STXBP5L: variants seen among roughly 807,000 people sequenced by gnomAD.
The protein encoded by STXBP5L is syntaxin binding protein 5L, also known as syntaxin-binding protein 5-like.
In STXBP5L, 65 loss-of-function variants were observed where a neutral mutation model predicts 144.5. That is an observed-to-expected ratio of 0.45 (90% CI 0.37 to 0.55). The LOEUF is 0.55. STXBP5L is among the 20% of genes least tolerant of loss of function. The pLI, the probability that STXBP5L is intolerant of heterozygous loss-of-function variation, is 0.00. For synonymous variants in STXBP5L, 505 were observed against 469.6 expected (o/e 1.08, Z -0.97); for missense variants, 1,298 against 1,405.5 (o/e 0.92, Z 1.22).
intron 5 of STXBP5L, among the ~76,000 whole-genome samples, chr3:121,078,737 AAT>A (rs2042130810): frequency 6.6e-6 from 1 of 152,234 alleles, no homozygotes; most frequent in Admixed American, 6.5e-5. Context: ...AATCAAGTGC[AAT>A]GCCAGTGGGC....
intron 2 of STXBP5L, among the ~76,000 whole-genome samples, chr3:120,917,609 C>G (rs1451804684): frequency 6.6e-6 from 1 of 151,912 alleles, no homozygotes; most frequent in African/African-American, 2.4e-5. Context: ...GGGGAGGAAC[C>G]CTTCAGGATA....
intron 5 of STXBP5L, among the ~76,000 whole-genome samples, chr3:121,093,825 G>A (rs1489029235): frequency 6.6e-6 from 1 of 152,146 alleles, no homozygotes; most frequent in African/African-American, 2.4e-5. Flanking sequence ...TTTTGAATGT[G>A]TTTGCTCTTT....
At chr3:121,278,891 A>G (rs1164972814) in intron 18 of STXBP5L, among the ~76,000 whole-genome samples, 1 of 151,232 alleles carries the variant, frequency 6.6e-6, no homozygotes, top group Non-Finnish European at 1.5e-5. Context: ...TTAGCAAAAC[A>G]TCTAGTATGG....
At chr3:121,005,493 AC>A (rs1431551677) in intron 3 of STXBP5L, among the ~76,000 whole-genome samples, 1 of 151,984 alleles carries the variant, frequency 6.6e-6, no homozygotes, top group African/African-American at 2.4e-5. Flanking sequence ...TGATCTTTTC[AC>A]AAAACCAGCT....
rs988318043 is a variant in STXBP5L, at chr3:121,213,269, C to A, written c.956+7268C>A. Among the ~76,000 whole-genome samples the A allele has an allele frequency of 5.9e-5, 9 of 152,010 alleles. No homozygotes were observed. In the East Asian group the frequency reaches 1.7e-3, roughly 29 times the overall value. On this transcript the variant is annotated intron_variant, in intron 10 of 26. Transcript: ENST00000471454. Reference sequence around the variant, plus strand: ...TATGTTGAATAGGAGTGGTGAGAGACCTCATCCTTATCTTGTGCCTGTTTT... The same window carrying A: ...TATGTTGAATAGGAGTGGTGAGAGAACTCATCCTTATCTTGTGCCTGTTTT...
intron 10 of STXBP5L, among the ~76,000 whole-genome samples, chr3:121,218,105 A>G (rs2048847851): frequency 7.1e-6 from 1 of 141,636 alleles, no homozygotes; most frequent in African/African-American, 2.6e-5. Context: ...ATAATATATA[A>G]TATACTATAT....
At chr3:121,388,666 AT>A (rs765264627) in intron 22 of STXBP5L, among the ~76,000 whole-genome samples, 8 of 152,018 alleles carry the variant, frequency 5.3e-5, no homozygotes, top group Non-Finnish European at 7.4e-5. Flanking sequence ...GTTTTTTGTC[AT>A]TGGTTCTGTT....
At chr3:121,375,043 T>C (rs571981360) in intron 20 of STXBP5L, among the ~76,000 whole-genome samples, 72 of 148,218 alleles carry the variant, frequency 4.9e-4, no homozygotes, top group African/African-American at 1.5e-3. Context: ...GGAGGGGGAG[T>C]GAAAGAGGAG....
chr3:120,972,153 A>G (rs1281225075), intron 3 of STXBP5L, among the ~76,000 whole-genome samples: 2 of 152,054 alleles, frequency 1.3e-5, no homozygotes, highest in Admixed American at 1.3e-4. Flanking sequence ...GAATATGTAC[A>G]TTGATTTGGG....
chr3:120,930,840 C>T (rs183461264), intron 2 of STXBP5L, among the ~76,000 whole-genome samples: 5 of 152,206 alleles, frequency 3.3e-5, no homozygotes, highest in African/African-American at 1.2e-4. Context: ...ACTGCTGCTT[C>T]CCTCTTCCAC....
At chr3:121,012,721 G>A (rs922199651) in intron 3 of STXBP5L, among the ~76,000 whole-genome samples, 1 of 151,814 alleles carries the variant, frequency 6.6e-6, no homozygotes, top group Non-Finnish European at 1.5e-5. Flanking sequence ...ACATGTGCAT[G>A]TGCAGGTTTG....
chr3:121,412,972 G>T (rs1262233113), intron 23 of STXBP5L, among the ~76,000 whole-genome samples, 186 bp from the exon 24 acceptor site: 1 of 151,924 alleles, frequency 6.6e-6, no homozygotes, highest in Non-Finnish European at 1.5e-5. Flanking sequence ...AGGCAAGATT[G>T]CAGTGAGCTA....
intron 3 of STXBP5L, among the ~76,000 whole-genome samples, chr3:121,039,951 GATA>G (rs1947031393): frequency 6.7e-6 from 1 of 148,856 alleles, no homozygotes; most frequent in Admixed American, 7.0e-5. Context: ...ATTTGAGATA[GATA>G]GGTAGATAGA....
At chr3:121,208,028 G>A (rs1305286332) in intron 10 of STXBP5L, among the ~76,000 whole-genome samples, 2 of 152,222 alleles carry the variant, frequency 1.3e-5, no homozygotes, top group South Asian at 2.1e-4. Flanking sequence ...AAAGACACAT[G>A]CACATGTATG....
intron 22 of STXBP5L, among the ~76,000 whole-genome samples, chr3:121,406,274 T>C (rs941825975): frequency 6.6e-6 from 1 of 152,118 alleles, no homozygotes; most frequent in African/African-American, 2.4e-5. Context: ...TATACTCTTT[T>C]CAATTTGATA....
At chr3:121,326,294 A>G (rs372402909) in intron 20 of STXBP5L, among the ~76,000 whole-genome samples, 37 of 152,024 alleles carry the variant, frequency 2.4e-4, no homozygotes, top group African/African-American at 8.9e-4. Flanking sequence ...CAACAAAATT[A>G]GAGATATGTA....
At chr3:120,934,800 A>G (rs1240640407) in intron 2 of STXBP5L, among the ~76,000 whole-genome samples, 1 of 151,906 alleles carries the variant, frequency 6.6e-6, no homozygotes, top group East Asian at 1.9e-4. Flanking sequence ...ATTATCTGAA[A>G]TTACTATAGC....
intron 20 of STXBP5L, among the ~76,000 whole-genome samples, chr3:121,347,673 A>C (rs1232733337): frequency 6.6e-6 from 1 of 152,082 alleles, no homozygotes; most frequent in Non-Finnish European, 1.5e-5. Flanking sequence ...AGATCCTTAC[A>C]TCCCTTGTAA....
chr3:121,161,956 T>G (rs2046337488), intron 9 of STXBP5L, among the ~76,000 whole-genome samples: 1 of 152,126 alleles, frequency 6.6e-6, no homozygotes, highest in African/African-American at 2.4e-5. Context: ...GAAAGAGTAT[T>G]CAAAATTTTA....
Sources: gnomAD v4.1 joint callset for allele counts (sites outside exome capture counted in the v4.1 genomes callset) on GRCh38, gnomAD v4.1.1 for gene constraint, MANE v1.5 for transcripts, NCBI Gene and HGNC (gene_info 2026-07-23, HGNC 2026-07-21) for gene names.